The following GATAD1 variants were observed in gnomAD, a reference collection of about 807,000 sequenced individuals.
GATAD1 encodes GATA zinc finger domain containing 1.
A neutral mutation model predicts 26.5 loss-of-function variants in GATAD1; 12 were observed. The observed-to-expected ratio is 0.45, with a 90% CI of 0.29 to 0.73. The LOEUF is 0.73. Ranked by LOEUF, GATAD1 falls within the 30% of genes least tolerant of loss-of-function variation. The probability of loss-of-function intolerance (pLI) is 0.10; values close to 1 mark genes in which losing one functional copy is unlikely to be tolerated. For missense variants in GATAD1, 266 were observed against 342.1 expected, an observed-to-expected ratio of 0.78 and a Z score of 1.75; for synonymous variants, 129 against 133.1, an observed-to-expected ratio of 0.97 and a Z score of 0.21.
chr7:92,469,000 A>C, the GATAD1 span: 1 of 753,226 alleles, frequency 1.3e-6, no homozygotes, highest in Non-Finnish European at 2.4e-6. Context: ...AAAGAGGAGT[A>C]GCAATATTAT....
the GATAD1 span, among the ~76,000 whole-genome samples, chr7:92,466,115 T>C: frequency 6.6e-6 from 1 of 152,210 alleles, no homozygotes; most frequent in Non-Finnish European, 1.5e-5. Flanking sequence ...AAGACTGTTA[T>C]ACCTTACACA....
chr7:92,467,101 T>A, the GATAD1 span, among the ~76,000 whole-genome samples: 3 of 152,148 alleles, frequency 2.0e-5, no homozygotes, highest in Non-Finnish European at 4.4e-5. Flanking sequence ...GTGGATCACC[T>A]GAGGTCAGGA....
chr7:92,478,662 G>T, the GATAD1 span, among the ~76,000 whole-genome samples: 1 of 152,218 alleles, frequency 6.6e-6, no homozygotes, highest in Non-Finnish European at 1.5e-5. Context: ...CAGCTAGAAA[G>T]AGTAAAGGTT....
At chr7:92,479,141 T>C in the GATAD1 span, among the ~76,000 whole-genome samples, 1 of 152,192 alleles carries the variant, frequency 6.6e-6, no homozygotes, top group African/African-American at 2.4e-5. Flanking sequence ...CCTTCTTTTT[T>C]GCGTATTAAA....
Position 92,447,994 on chromosome 7 carries a change from C to T in GATAD1, c.249+16C>T, listed in dbSNP as rs1441727538. ...CGGCAAGCAGGTGAGCTCCTCCGGCCCCTCCCGCCGGCGGAGGCCGACCAG... is the reference window on the plus strand; with the variant it reads ...CGGCAAGCAGGTGAGCTCCTCCGGCTCCTCCCGCCGGCGGAGGCCGACCAG... On this transcript the variant is annotated intron_variant, in intron 1 of 4. Coordinates refer to ENST00000287957, the MANE Select transcript of GATAD1 (RefSeq NM_021167.5). The T allele has an allele frequency of 1.6e-6, 2 of 1,212,798 alleles. No homozygotes were observed. Among genetic ancestry groups the T allele is most frequent in the Non-Finnish European group, 2.0e-6 (2 of 975,922 alleles). The allele number at this position is 1,212,798 out of a possible 1,614,324, so 75.1% of individuals were successfully genotyped here.
chr7:92,475,722 C>A, the GATAD1 span, among the ~76,000 whole-genome samples: 1 of 152,200 alleles, frequency 6.6e-6, no homozygotes, highest in East Asian at 1.9e-4. Context: ...TGGTCCTTTA[C>A]CAGCATGCCC....
At chr7:92,471,697 CTTTCT>C in the GATAD1 span, 1 of 152,120 alleles carries the variant, frequency 6.6e-6, no homozygotes, top group Non-Finnish European at 1.5e-5. Flanking sequence ...CTTTCCTTTC[CTTTCT>C]GATGACCCCG....
the GATAD1 span, chr7:92,493,031 A>G: frequency 5.0e-6 from 8 of 1,612,976 alleles, no homozygotes; most frequent in Non-Finnish European, 5.9e-6. Flanking sequence ...GATCAGCTCC[A>G]GTAAAGGAGT....
the GATAD1 span, among the ~76,000 whole-genome samples, chr7:92,492,194 T>C: frequency 6.6e-6 from 1 of 152,200 alleles, no homozygotes; most frequent in African/African-American, 2.4e-5. Flanking sequence ...TCATCCATGC[T>C]GGAGTGCAGT....
downstream of GATAD1, among the ~76,000 whole-genome samples, chr7:92,464,911 G>A (rs1790043396): frequency 6.6e-6 from 1 of 152,214 alleles, no homozygotes; most frequent in African/African-American, 2.4e-5. Flanking sequence ...TTCAGGTTTT[G>A]TAAGCCGAAC....
At chr7:92,494,644 C>T in the GATAD1 span, 11 of 1,613,174 alleles carry the variant, frequency 6.8e-6, no homozygotes, top group African/African-American at 2.7e-5. Context: ...GAAAAACAAA[C>T]AACATTTCAT....
intron 2 of GATAD1, chr7:92,449,578 C>T: frequency 1.0e-6 from 1 of 977,416 alleles, no homozygotes; most frequent in Non-Finnish European, 1.2e-6. Flanking sequence ...AGGAATGTTT[C>T]ACTTACCCGT....
intron 2 of GATAD1, chr7:92,450,415 TTATG>T (rs1409150364): frequency 2.6e-6 from 1 of 383,004 alleles, no homozygotes; most frequent in Non-Finnish European, 4.7e-6. Flanking sequence ...ACTGGAATGT[TTATG>T]TGTAGTGAAG....
chr7:92,468,155 G>C, the GATAD1 span, among the ~76,000 whole-genome samples: 304 of 152,356 alleles, frequency 2.0e-3, 1 homozygote, highest in African/African-American at 6.8e-3. Flanking sequence ...CTAGTGTTCA[G>C]CTCAATTAGG....
At chr7:92,484,806 G>A in the GATAD1 span, among the ~76,000 whole-genome samples, 3 of 152,308 alleles carry the variant, frequency 2.0e-5, no homozygotes, top group East Asian at 5.8e-4. Flanking sequence ...CTGGTCTCCT[G>A]AAGGAGTCCT....
downstream of GATAD1, among the ~76,000 whole-genome samples, chr7:92,464,909 T>C (rs1319198874): frequency 6.6e-6 from 1 of 152,224 alleles, no homozygotes; most frequent in Non-Finnish European, 1.5e-5. Flanking sequence ...ATTTCAGGTT[T>C]TGTAAGCCGA....
intron 3 of GATAD1, among the ~76,000 whole-genome samples, chr7:92,453,237 T>G (rs1298863358): frequency 1.3e-5 from 2 of 152,224 alleles, no homozygotes; most frequent in African/African-American, 4.8e-5. Context: ...AGTCCCTGTT[T>G]CAAGGGAAGC....
At position 92,456,266 on chromosome 7, in the gene GATAD1, G is replaced by A. The variant is rs1476932656; in HGVS notation, c.620-106G>A. 4 of 601,696 alleles carry A rather than the reference G, an allele frequency of 6.6e-6. No individual in the cohort carries two copies. In the African/African-American group the frequency reaches 7.5e-5, roughly 11 times the overall value. The allele number at this position is 601,696 out of a possible 1,614,324, so 37.3% of individuals were successfully genotyped here. On this transcript the variant is annotated intron_variant, in intron 4 of 4. Transcript: ENST00000287957. ...TGCATGTTTCAAGGGCTAATGCCAG[G>A]TTGCTCCCAGAGTGGTCTCTCCCAG...
intron 3 of GATAD1, among the ~76,000 whole-genome samples, chr7:92,453,874 G>T (rs1011592598): frequency 6.6e-6 from 1 of 152,118 alleles, no homozygotes; most frequent in African/African-American, 2.4e-5. Context: ...AACAAAGTAG[G>T]GATAGTACGG....
Sources: allele counts gnomAD v4.1 joint callset (sites outside exome capture counted in the v4.1 genomes callset), GRCh38; gene constraint gnomAD v4.1.1; transcripts MANE v1.5; gene names NCBI Gene and HGNC (gene_info 2026-07-23, HGNC 2026-07-21).